SLC2A5: variants seen among roughly 807,000 people sequenced by gnomAD.
The protein encoded by SLC2A5 is solute carrier family 2 member 5.
In SLC2A5, 56 loss-of-function variants were observed where a neutral mutation model predicts 50.3. The observed-to-expected ratio is 1.11, with a 90% CI of 0.90 to 1.39. The LOEUF (loss-of-function observed/expected upper bound fraction) is 1.39, where lower values mean the gene tolerates loss of function less well. Among genes scored for constraint, SLC2A5 ranks in the 40% most tolerant of loss-of-function variants. The pLI is 0.00. For missense variants in SLC2A5, 566 were observed against 650.1 expected, an observed-to-expected ratio of 0.87 and a Z score of 1.41; for synonymous variants, 269 against 281.9, an observed-to-expected ratio of 0.95 and a Z score of 0.46.
At chr1:9,087,330 A>T (rs895844365) in intron 1 of SLC2A5, among the ~76,000 whole-genome samples, 2 of 150,992 alleles carry the variant, frequency 1.3e-5, no homozygotes, top group Admixed American at 1.3e-4. Flanking sequence ...TCAGCCTCCC[A>T]AGTAGCTGGG....
chr1:9,062,968 G>A (rs1385380619), intron 1 of SLC2A5, among the ~76,000 whole-genome samples: 1 of 152,188 alleles, frequency 6.6e-6, no homozygotes, highest in African/African-American at 2.4e-5. Context: ...CAGCAGATGG[G>A]CACTTGGGTA....
chr1:9,060,877 G>A (rs1191319160), intron 1 of SLC2A5, among the ~76,000 whole-genome samples: 3 of 151,610 alleles, frequency 2.0e-5, no homozygotes, highest in Non-Finnish European at 4.4e-5. Flanking sequence ...GGGATATAGC[G>A]GTGAACAAAC....
At chr1:9,060,286 AC>A (rs373294920) in intron 1 of SLC2A5, among the ~76,000 whole-genome samples, 3,700 of 124,050 alleles carry the variant, frequency 0.03, 125 homozygotes, top group African/African-American at 0.071. Flanking sequence ...GTACACAAAC[AC>A]TACACACACA....
At chr1:9,043,165 T>G (rs1490264958) in intron 4 of SLC2A5, among the ~76,000 whole-genome samples, 1 of 152,118 alleles carries the variant, frequency 6.6e-6, no homozygotes, top group Non-Finnish European at 1.5e-5. Context: ...CTGAGTCAAA[T>G]GGAGGCTCAG....
intron 2 of SLC2A5, among the ~76,000 whole-genome samples, chr1:9,075,721 C>G (rs1284636108): frequency 1.3e-5 from 2 of 152,170 alleles, no homozygotes; most frequent in African/African-American, 4.8e-5. Context: ...AGTGCAATGG[C>G]ATGATCTCAA....
At chr1:9,066,238 T>G (rs974967526) in intron 1 of SLC2A5, among the ~76,000 whole-genome samples, 6 of 151,602 alleles carry the variant, frequency 4.0e-5, no homozygotes, top group Admixed American at 2.0e-4. Flanking sequence ...AATCCTTTGT[T>G]TTTTTTTTGA....
intron 5 of SLC2A5, 162 bp downstream of exon 5, chr1:9,041,623 A>T: frequency 6.8e-7 from 1 of 1,478,610 alleles, no homozygotes. Flanking sequence ...ATGGCCTGCT[A>T]TGTTGGCTCG....
chr1:9,037,515 C>T lies in SLC2A5; in HGVS notation c.*71G>A. 7.8e-7 allele frequency: 1 copy of T among 1,280,312 alleles called. No homozygotes were observed. The highest frequency in any genetic ancestry group is 2.3e-5 in the East Asian group (1 of 43,368). The allele number at this position is 1,280,312 out of a possible 1,614,324, so 79.3% of individuals were successfully genotyped here. On this transcript the variant is annotated 3_prime_UTR_variant, in exon 12 of 12. Transcript: ENST00000377424. ...TTTATTTCTGGATATTCACAGACAG[C>T]TAGAAGTCAGAAAAATAAGCCAAAG...
At chr1:9,068,209 A>G (rs960711191) in intron 1 of SLC2A5, among the ~76,000 whole-genome samples, 5 of 148,028 alleles carry the variant, frequency 3.4e-5, no homozygotes, top group Non-Finnish European at 6.0e-5. Context: ...AAAAAAAAAA[A>G]GCGAGAGAGA....
At chr1:9,065,696 C>T (rs543067382) in intron 1 of SLC2A5, among the ~76,000 whole-genome samples, 11 of 152,200 alleles carry the variant, frequency 7.2e-5, no homozygotes, top group Admixed American at 7.2e-4. Flanking sequence ...AGTTCCTTCA[C>T]CTTTAGAATG....
At chr1:9,084,862 T>C (rs1256446277) in intron 2 of SLC2A5, among the ~76,000 whole-genome samples, 2 of 152,186 alleles carry the variant, frequency 1.3e-5, no homozygotes, top group Non-Finnish European at 2.9e-5. Context: ...ACTCCAGACC[T>C]GCTGAATCAG....
intron 1 of SLC2A5, among the ~76,000 whole-genome samples, chr1:9,086,300 A>T (rs900089713): frequency 6.6e-6 from 1 of 152,144 alleles, no homozygotes; most frequent in Admixed American, 6.5e-5. Flanking sequence ...AATTGCTGCG[A>T]GGCCAGCCAC....
intron 2 of SLC2A5, among the ~76,000 whole-genome samples, chr1:9,075,707 C>A (rs1370491730): frequency 6.6e-6 from 1 of 152,084 alleles, no homozygotes; most frequent in Non-Finnish European, 1.5e-5. Context: ...GTCCCCCAGG[C>A]TGGAGTGCAA....
chr1:9,059,259 T>C (rs142404867), intron 1 of SLC2A5, among the ~76,000 whole-genome samples: 5,431 of 148,426 alleles, frequency 0.037, 172 homozygotes, highest in African/African-American at 0.083. Flanking sequence ...TCTCCTGCCT[T>C]AGCCTCCCAA....
intron 3 of SLC2A5, among the ~76,000 whole-genome samples, chr1:9,048,116 C>T (rs969302672): frequency 6.6e-6 from 1 of 152,194 alleles, no homozygotes; most frequent in Non-Finnish European, 1.5e-5. Flanking sequence ...AGGTCCATCT[C>T]ACTTATGTCA....
chr1:9,090,449 C>T (rs1007344123), upstream of SLC2A5, among the ~76,000 whole-genome samples: 10 of 152,132 alleles, frequency 6.6e-5, no homozygotes, highest in African/African-American at 2.2e-4. Flanking sequence ...TTTTGGCTGC[C>T]AATATTTTAA....
At chr1:9,087,730 C>T (rs773407563) in intron 1 of SLC2A5, among the ~76,000 whole-genome samples, 13 of 152,088 alleles carry the variant, frequency 8.5e-5, no homozygotes, top group African/African-American at 1.2e-4. Context: ...CTGTGAGACT[C>T]GGGCCAGGGC....
chr1:9,074,991 G>A (rs539764465), intron 2 of SLC2A5, among the ~76,000 whole-genome samples: 1 of 151,902 alleles, frequency 6.6e-6, no homozygotes, highest in East Asian at 1.9e-4. Context: ...CACAGAACTC[G>A]GCTTGAGCAA....
At chr1:9,058,350 C>A in intron 1 of SLC2A5, 100 bp from the exon 2 acceptor site, 2 of 831,302 alleles carry the variant, frequency 2.4e-6, no homozygotes, top group East Asian at 5.3e-5. Flanking sequence ...ATCTGAAGAT[C>A]CATAGTCTTG....
Sources: gnomAD v4.1 joint callset for allele counts (sites outside exome capture counted in the v4.1 genomes callset) on GRCh38, gnomAD v4.1.1 for gene constraint, MANE v1.5 for transcripts, NCBI Gene and HGNC (gene_info 2026-07-23, HGNC 2026-07-21) for gene names.